Variants in PCDH9 observed in about 807,000 individuals in gnomAD.
PCDH9 encodes protocadherin-9.
A neutral mutation model predicts 70.6 loss-of-function variants in PCDH9; 24 were observed. That is an observed-to-expected ratio of 0.34 (90% CI 0.25 to 0.48). PCDH9 has a LOEUF of 0.48. PCDH9 is among the 20% of genes least tolerant of loss of function. The pLI is 0.99. For missense variants in PCDH9, 1,281 were observed against 1,503.6 expected, an observed-to-expected ratio of 0.85 and a Z score of 2.45; for synonymous variants, 562 against 558.5, an observed-to-expected ratio of 1.01 and a Z score of -0.09.
At chr13:66,577,958 T>C (rs1037094626) in intron 4 of PCDH9, among the ~76,000 whole-genome samples, 1 of 152,070 alleles carries the variant, frequency 6.6e-6, no homozygotes, top group African/African-American at 2.4e-5. Context: ...AAAACTAATT[T>C]CTGGTCCCTT....
At chr13:67,215,319 C>A (rs929565192) in intron 2 of PCDH9, 5 of 151,990 alleles carry the variant, frequency 3.3e-5, no homozygotes, top group African/African-American at 1.2e-4. Context: ...TATTTTGCTT[C>A]TTTTTATAGA....
chr13:67,047,995 T>C (rs1173200960), intron 2 of PCDH9, among the ~76,000 whole-genome samples: 1 of 152,188 alleles, frequency 6.6e-6, no homozygotes, highest in Admixed American at 6.5e-5. Flanking sequence ...TTTCTGATAT[T>C]GTGTTTCTTT....
intron 4 of PCDH9, among the ~76,000 whole-genome samples, chr13:66,555,644 T>C (rs1961701577): frequency 7.5e-6 from 1 of 132,980 alleles, no homozygotes; most frequent in East Asian, 2.3e-4. Flanking sequence ...GGTAGGGCTT[T>C]TGACATTTTC....
At chr13:66,554,387 T>G (rs1277949490) in intron 4 of PCDH9, among the ~76,000 whole-genome samples, 1 of 152,118 alleles carries the variant, frequency 6.6e-6, no homozygotes, top group African/African-American at 2.4e-5. Context: ...AGAGGTAGTT[T>G]TAAAAATAAT....
chr13:67,134,958 C>A (rs757871911), intron 2 of PCDH9, among the ~76,000 whole-genome samples: 1 of 151,920 alleles, frequency 6.6e-6, no homozygotes, highest in Non-Finnish European at 1.5e-5. Context: ...TTAAAGGGTA[C>A]CAATGAAAAG....
chr13:66,955,890 G>A (rs955755356), intron 2 of PCDH9, among the ~76,000 whole-genome samples: 5 of 152,042 alleles, frequency 3.3e-5, no homozygotes, highest in Admixed American at 6.5e-5. Context: ...TCAGGAGTTC[G>A]ACACCGGCCT....
At chr13:66,825,548 G>A (rs1427168623) in intron 3 of PCDH9, among the ~76,000 whole-genome samples, 1 of 151,286 alleles carries the variant, frequency 6.6e-6, no homozygotes, top group South Asian at 2.1e-4. Flanking sequence ...TGTTAGCCAG[G>A]ATGGTCTCGA....
At chr13:66,902,152 C>T (rs533793696) in intron 3 of PCDH9, among the ~76,000 whole-genome samples, 2 of 151,374 alleles carry the variant, frequency 1.3e-5, no homozygotes, top group African/African-American at 2.4e-5. Context: ...AACTATGGTT[C>T]TTCTCTCAAT....
At chr13:66,339,533 T>C (rs1956092191) in intron 4 of PCDH9, among the ~76,000 whole-genome samples, 1 of 152,158 alleles carries the variant, frequency 6.6e-6, no homozygotes, top group Non-Finnish European at 1.5e-5. Context: ...ACATCACAGA[T>C]ATTTTGTTGA....
chr13:66,881,495 TC>T (rs771998393), intron 3 of PCDH9, among the ~76,000 whole-genome samples: 11 of 152,028 alleles, frequency 7.2e-5, no homozygotes, highest in Non-Finnish European at 1.3e-4. Context: ...TTCAATAATC[TC>T]CCACTGGGTC....
chr13:66,393,545 C>T (rs536037860), intron 4 of PCDH9, among the ~76,000 whole-genome samples: 1 of 152,234 alleles, frequency 6.6e-6, no homozygotes, highest in African/African-American at 2.4e-5. Flanking sequence ...TTAGGGAATG[C>T]CCACAGGAAT....
At chr13:66,827,122 A>C (rs1307472612) in intron 3 of PCDH9, among the ~76,000 whole-genome samples, 2 of 152,080 alleles carry the variant, frequency 1.3e-5, no homozygotes, top group African/African-American at 4.8e-5. Context: ...AAGAGGTTGG[A>C]GTGATGTAAA....
chr13:66,629,823 G>A (rs1376179563), intron 4 of PCDH9, among the ~76,000 whole-genome samples: 1 of 152,096 alleles, frequency 6.6e-6, no homozygotes, highest in Non-Finnish European at 1.5e-5. Flanking sequence ...TTCCAAAGAT[G>A]GGGACATGCT....
At chr13:67,189,743 C>G (rs2088859101) in intron 2 of PCDH9, among the ~76,000 whole-genome samples, 1 of 151,416 alleles carries the variant, frequency 6.6e-6, no homozygotes, top group Non-Finnish European at 1.5e-5. Context: ...TGAAAGGAGC[C>G]CTAAGTGGAT....
intron 4 of PCDH9, among the ~76,000 whole-genome samples, chr13:66,426,026 C>T (rs373572161): frequency 1.6e-4 from 24 of 151,420 alleles, no homozygotes; most frequent in African/African-American, 5.1e-4. Context: ...TTCATCATGA[C>T]GTCATGTTAT....
intron 2 of PCDH9, among the ~76,000 whole-genome samples, chr13:67,080,076 C>T (rs573042943): frequency 4.4e-4 from 67 of 152,236 alleles, no homozygotes; most frequent in Admixed American, 9.2e-4. Context: ...TAAAATCAAG[C>T]TGTAATCTGG....
At chr13:66,570,438 A>C (rs2076718583) in intron 4 of PCDH9, among the ~76,000 whole-genome samples, 1 of 152,154 alleles carries the variant, frequency 6.6e-6, no homozygotes, top group African/African-American at 2.4e-5. Context: ...TACCAGTAAA[A>C]CTAATGAAAT....
intron 2 of PCDH9, among the ~76,000 whole-genome samples, chr13:67,126,226 A>C (rs760761437): frequency 1.5e-4 from 23 of 152,150 alleles, no homozygotes; most frequent in Non-Finnish European, 3.4e-4. Flanking sequence ...TATCTTAATC[A>C]ACCCATAGCA....
chr13:66,648,015 T>G (rs1294397200), intron 3 of PCDH9, among the ~76,000 whole-genome samples: 1 of 152,186 alleles, frequency 6.6e-6, no homozygotes, highest in Non-Finnish European at 1.5e-5. Context: ...GTCTTTTGGC[T>G]TGGGTGCCAG....
Sources: gnomAD v4.1 joint callset for allele counts (sites outside exome capture counted in the v4.1 genomes callset) on GRCh38, gnomAD v4.1.1 for gene constraint, MANE v1.5 for transcripts, NCBI Gene and HGNC (gene_info 2026-07-23, HGNC 2026-07-21) for gene names.